The following C19orf85 variants were observed in gnomAD, a reference collection of about 807,000 sequenced individuals.
C19orf85 encodes the protein uncharacterized protein C19orf85.
At chr19:55,464,005 C>T (rs1986314498) in intron 1 of C19orf85, 38 bp from the exon 2 acceptor site, 1 of 398,622 alleles carries the variant, frequency 2.5e-6, no homozygotes, top group Non-Finnish European at 4.4e-6. Flanking sequence ...TCTCTAACGC[C>T]TGAACTCAAG....
chr19:55,463,294 C>G lies in C19orf85; in HGVS notation c.*178G>C, dbSNP rs1986297678. On this transcript the variant is annotated 3_prime_UTR_variant, in exon 2 of 2. Coordinates refer to ENST00000635964, the MANE Select transcript of C19orf85 (RefSeq NM_001386794.1). The surrounding 1 kb of genome is among the most constrained non-coding windows in gnomAD (Gnocchi z 4.9). ...GCAAGAAGAGGTGGAGGTGGGGCCC[C>G]TGGGCCCAGGAGGAGACCCCTGAGG... 3 of 397,720 alleles carry G rather than the reference C, an allele frequency of 7.5e-6. No homozygotes were observed. The highest frequency in any genetic ancestry group is 1.3e-5 in the Non-Finnish European group (3 of 226,202). The allele number at this position is 397,720 out of a possible 1,614,324, so 24.6% of individuals were successfully genotyped here.
intron 1 of C19orf85, 147 bp downstream of exon 1, chr19:55,464,235 C>T (rs1019196802): frequency 1.3e-5 from 5 of 397,720 alleles, no homozygotes; most frequent in Non-Finnish European, 2.2e-5. Flanking sequence ...ACAGTAGGCA[C>T]TCAATAAATG....
At position 55,464,526 on chromosome 19, in the gene C19orf85, C is replaced by T. The variant is rs184007838; in HGVS notation, c.29G>A (p.Gly10Glu). Reference protein sequence around the residue: MHPGVPEGPGVSEPGPRELC... With the variant: MHPGVPEGPEVSEPGPRELC... Reference sequence around the variant, plus strand: ...CTCCCGGGGGCCGGGCTCGGAGACCCCAGGGCCTTCGGGGACCCCGGGGTG... The same window carrying T: ...CTCCCGGGGGCCGGGCTCGGAGACCTCAGGGCCTTCGGGGACCCCGGGGTG... The change falls in exon 1 of 2, where the codon GGG becomes GAG. Residue 10 changes from glycine (G) to glutamate (E), a missense_variant. By Grantham distance (98) the Gly-to-Glu change is moderately conservative. Coordinates refer to ENST00000635964, the MANE Select transcript of C19orf85 (RefSeq NM_001386794.1). 1.2e-3 allele frequency: 491 copies of T among 398,410 alleles called. No individual in the cohort carries two copies. Among genetic ancestry groups the T allele is most frequent in the African/African-American group, 8.6e-3 (421 of 48,734 alleles). 24.7% of individuals were successfully genotyped at this position (398,410 alleles called of 1,614,324 possible). A position where few individuals can be genotyped will look rare whatever the true frequency, so the allele number is the denominator to read the frequency against.
Position 55,463,892 on chromosome 19 carries a change from T to C in C19orf85, c.249A>G (p.Arg83=). Residue 83 remains arginine (R), a synonymous_variant, in exon 2 of 2, where the codon AGA becomes AGG. Transcript: ENST00000635964. This position sits in a 1 kb window ranked among gnomAD's most constrained non-coding sequence, Gnocchi z 4.9. ...SILSQEAPPQ[R]PSLQKPPPPP... is the part of the protein sequence containing the mutation. ...GTGGGGGTGGCTTTTGGAGCGAGGG[T>C]CTCTGGGGAGGTGCCTCCTGGGACA... 1 of 398,762 alleles carries C rather than the reference T, an allele frequency of 2.5e-6. No individual in the cohort carries two copies. Among genetic ancestry groups the C allele is most frequent in the Non-Finnish European group, 4.4e-6 (1 of 226,344 alleles). The allele number at this position is 398,762 out of a possible 1,614,324, so 24.7% of individuals were successfully genotyped here.
Position 55,464,597 on chromosome 19 carries a change from A to G in C19orf85, c.-43T>C. ...GTAACTCCCCACAATATTGCTGACC[A>G]AAGCACCCCCCAAATCTGTGAGCAG... On this transcript the variant is annotated 5_prime_UTR_variant, in exon 1 of 2. Coordinates refer to ENST00000635964, the MANE Select transcript of C19orf85 (RefSeq NM_001386794.1). The G allele has an allele frequency of 2.5e-6, 1 of 398,298 alleles. No homozygotes were observed. The highest frequency in any genetic ancestry group is 4.4e-6 in the Non-Finnish European group (1 of 225,870). 24.7% of individuals were successfully genotyped at this position (398,298 alleles called of 1,614,324 possible).
At position 55,464,591 on chromosome 19, in the gene C19orf85, C is replaced by T; in HGVS notation, c.-37G>A. 2.5e-6 allele frequency: 1 copy of T among 398,356 alleles called. No individual in the cohort carries two copies. Among genetic ancestry groups the T allele is most frequent in the Non-Finnish European group, 4.4e-6 (1 of 225,878 alleles). 24.7% of individuals were successfully genotyped at this position (398,356 alleles called of 1,614,324 possible). A position where few individuals can be genotyped will look rare whatever the true frequency, so the allele number is the denominator to read the frequency against. ...TCTGGAGTAACTCCCCACAATATTG[C>T]TGACCAAAGCACCCCCCAAATCTGT... On this transcript the variant is annotated 5_prime_UTR_variant, in exon 1 of 2. Transcript: ENST00000635964.
rs1358537578 is a variant in C19orf85 at position 55,464,485 on chromosome 19, T to A, written c.70A>T (p.Ser24Cys). Residue 24 changes from serine (S) to cysteine (C), a missense_variant, in exon 1 of 2, where the codon AGC (serine) becomes TGC (cysteine). By Grantham distance (112) the Ser-to-Cys change is moderately radical. Transcript: ENST00000635964. Reference sequence around the variant, plus strand: ...CGCAGCATGTGGGCGGCCGCCCCGCTCACAAAGGCACACAGCTCCCGGGGG... The same window carrying A: ...CGCAGCATGTGGGCGGCCGCCCCGCACACAAAGGCACACAGCTCCCGGGGG... Reference protein sequence around the residue: ...PGPRELCAFVSGAAAHMLRAL... With the variant: ...PGPRELCAFVCGAAAHMLRAL... 2.5e-6 allele frequency: 1 copy of A among 398,228 alleles called. No homozygotes were observed. 24.7% of individuals were successfully genotyped at this position (398,228 alleles called of 1,614,324 possible). A position where few individuals can be genotyped will look rare whatever the true frequency, so the allele number is the denominator to read the frequency against.
Position 55,463,554 on chromosome 19 carries a change from C to A in C19orf85, c.587G>T (p.Trp196Leu). The A allele has an allele frequency of 2.5e-6, 1 of 398,636 alleles. No homozygotes were observed. The highest frequency in any genetic ancestry group is 4.4e-6 in the Non-Finnish European group (1 of 226,098). The allele number at this position is 398,636 out of a possible 1,614,324, so 24.7% of individuals were successfully genotyped here. A position where few individuals can be genotyped will look rare whatever the true frequency, so the allele number is the denominator to read the frequency against. ...CACCTCCCAGCAGTCCACCCAACCC[C>A]AGTCGGGAGCCACGAGATCAGCCTC... ...GEEADLVAPDWGWVDCWEVPR... is the reference protein window; with the variant it reads ...GEEADLVAPDLGWVDCWEVPR... The change falls in exon 2 of 2, where the codon TGG becomes TTG. Residue 196 changes from tryptophan (W) to leucine (L), a missense_variant. Transcript: ENST00000635964. This position sits in a 1 kb window ranked among gnomAD's most constrained non-coding sequence, Gnocchi z 4.9.
rs1225167012 is a variant in C19orf85, at chr19:55,463,742, C to T, written c.399G>A (p.Ala133=). Residue 133 remains alanine, a synonymous_variant, in exon 2 of 2, where the codon GCG becomes GCA. Transcript: ENST00000635964. The surrounding 1 kb of genome is among the most constrained non-coding windows in gnomAD (Gnocchi z 4.9). ...TSTLDLFDNI[A]LTPECASMPW... ...GCATTGAGGCACACTCTGGGGTGAG[C>T]GCAATGTTGTCAAAGAGGTCGAGGG... 2 of 398,764 alleles carry T rather than the reference C, an allele frequency of 5.0e-6. No homozygotes were observed. The highest frequency in any genetic ancestry group is 8.8e-6 in the Non-Finnish European group (2 of 226,240). The allele number at this position is 398,764 out of a possible 1,614,324, so 24.7% of individuals were successfully genotyped here. A position where few individuals can be genotyped will look rare whatever the true frequency, so the allele number is the denominator to read the frequency against.
chr19:55,464,050 A>T (rs1599888804), intron 1 of C19orf85, 83 bp from the exon 2 acceptor site: 1 of 398,578 alleles, frequency 2.5e-6, no homozygotes, highest in Non-Finnish European at 4.4e-6. Flanking sequence ...AGGTGCTGGG[A>T]TTGCAGGCTT....
In C19orf85 at chr19:55,463,715, T is replaced by C; in HGVS notation, c.426A>G (p.Pro142=). ...CATCAGAACCAGAGGAGGGGTCCCA[T>C]GGCATTGAGGCACACTCTGGGGTGA... The part of the protein sequence containing the change: ...IALTPECASM[P]WDPSSGSDAP... The change falls in exon 2 of 2, where the codon CCA becomes CCG. Residue 142 remains proline (P), a synonymous_variant. Transcript: ENST00000635964. This position sits in a 1 kb window ranked among gnomAD's most constrained non-coding sequence, Gnocchi z 4.9. The C allele has an allele frequency of 7.5e-6, 3 of 398,176 alleles. No individual in the cohort carries two copies. Among genetic ancestry groups the C allele is most frequent in the Non-Finnish European group, 8.8e-6 (2 of 226,148 alleles). The allele number at this position is 398,176 out of a possible 1,614,324, so 24.7% of individuals were successfully genotyped here.
chr19:55,463,383 ACAGGTTGGGGG>A lies in C19orf85; in HGVS notation c.*78_*88del, dbSNP rs1986299461. 1 of 398,848 alleles carries A rather than the reference ACAGGTTGGGGG, an allele frequency of 2.5e-6. No homozygotes were observed. Among genetic ancestry groups the A allele is most frequent in the African/African-American group, 2.1e-5 (1 of 48,628 alleles). 24.7% of individuals were successfully genotyped at this position (398,848 alleles called of 1,614,324 possible). On this transcript the variant is annotated 3_prime_UTR_variant, in exon 2 of 2. Transcript: ENST00000635964. This position sits in a 1 kb window ranked among gnomAD's most constrained non-coding sequence, Gnocchi z 4.9. ...CCAGGGGCTGCCAGGAAGGGAGTGG[ACAGGTTGGGGG>A]CTCCTGGAGAGGGCTGTAGAGCCGT...
At position 55,463,662 on chromosome 19, in the gene C19orf85, T is replaced by TG. The variant is rs1432807889; in HGVS notation, c.478dup (p.His160ProfsTer31). ...CAGGTCCAGCTGGCCCAGGTCGCGATGGGACAGACCCGGCGCTGGCAGGGG... is the reference window on the plus strand; with the variant it reads ...CAGGTCCAGCTGGCCCAGGTCGCGATGGGGACAGACCCGGCGCTGGCAGGGG... On this transcript the variant is annotated frameshift_variant, in exon 2 of 2. Transcript: ENST00000635964. LOFTEE classifies it low-confidence loss of function (END_TRUNC). The surrounding 1 kb of genome is among the most constrained non-coding windows in gnomAD (Gnocchi z 4.9). 1 of 398,578 alleles carries TG rather than the reference T, an allele frequency of 2.5e-6. No individual in the cohort carries two copies. The highest frequency in any genetic ancestry group is 3.6e-5 in the East Asian group (1 of 28,074). The allele number at this position is 398,578 out of a possible 1,614,324, so 24.7% of individuals were successfully genotyped here.
intron 1 of C19orf85, among the ~76,000 whole-genome samples, 191 bp from the exon 2 acceptor site, chr19:55,464,158 AC>A (rs1331723215): frequency 1.3e-5 from 2 of 151,992 alleles, no homozygotes; most frequent in Non-Finnish European, 2.9e-5. Flanking sequence ...ACCGTCCGCC[AC>A]CCCCATGAAA....
chr19:55,464,489 A>G lies in C19orf85; in HGVS notation c.66T>C (p.Phe22=), dbSNP rs2123395784. ...GCATGTGGGCGGCCGCCCCGCTCAC[A>G]AAGGCACACAGCTCCCGGGGGCCGG... is the stretch of plus-strand genomic sequence containing the variant. ...SEPGPRELCA[F]VSGAAAHMLR... Residue 22 remains phenylalanine, a synonymous_variant, in exon 1 of 2, where the codon TTT becomes TTC. Coordinates refer to ENST00000635964, the MANE Select transcript of C19orf85 (RefSeq NM_001386794.1). 1 of 398,326 alleles carries G rather than the reference A, an allele frequency of 2.5e-6. No individual in the cohort carries two copies. Among genetic ancestry groups the G allele is most frequent in the Non-Finnish European group, 4.4e-6 (1 of 225,856 alleles). 24.7% of individuals were successfully genotyped at this position (398,326 alleles called of 1,614,324 possible).
rs983240615 is a variant in C19orf85, at chr19:55,463,812, G to T, written c.329C>A (p.Pro110His). Reference sequence around the variant, plus strand: ...GAGACTCAGGCTGGCGCTGGCATGGGGAGCCTCAGTGGGGGCCACAGCACA... The same window carrying T: ...GAGACTCAGGCTGGCGCTGGCATGGTGAGCCTCAGTGGGGGCCACAGCACA... ...VACAVAPTEA[P>H]HASASLSLAA... Residue 110 changes from proline (P) to histidine (H), a missense_variant, in exon 2 of 2, where the codon CCC becomes CAC. Pro to His is a moderately conservative substitution (Grantham distance 77). Coordinates refer to ENST00000635964, the MANE Select transcript of C19orf85 (RefSeq NM_001386794.1). The surrounding 1 kb of genome is among the most constrained non-coding windows in gnomAD (Gnocchi z 4.9). The T allele has an allele frequency of 2.8e-5, 11 of 399,020 alleles. No homozygotes were observed. Among genetic ancestry groups the T allele is most frequent in the African/African-American group, 2.1e-4 (10 of 48,762 alleles). 24.7% of individuals were successfully genotyped at this position (399,020 alleles called of 1,614,324 possible).
rs1165410900 is a variant in C19orf85 at position 55,463,030 on chromosome 19, C to T, written c.*442G>A. ...TGGATATACTCTTTTATTGTCTGTT[C>T]CCCGCCAAAACACACACATGCACAC... is the stretch of plus-strand genomic sequence containing the variant. On this transcript the variant is annotated 3_prime_UTR_variant, in exon 2 of 2. Coordinates refer to ENST00000635964, the MANE Select transcript of C19orf85 (RefSeq NM_001386794.1). This position sits in a 1 kb window ranked among gnomAD's most constrained non-coding sequence, Gnocchi z 4.9. 1 of 170,100 alleles carries T rather than the reference C, an allele frequency of 5.9e-6. No individual in the cohort carries two copies. The highest frequency in any genetic ancestry group is 2.4e-5 in the African/African-American group (1 of 42,240). The allele number at this position is 170,100 out of a possible 1,614,324, so 10.5% of individuals were successfully genotyped here.
At position 55,464,607 on chromosome 19, in the gene C19orf85, C is replaced by A; in HGVS notation, c.-53G>T. 2.5e-6 allele frequency: 1 copy of A among 398,342 alleles called. No individual in the cohort carries two copies. The highest frequency in any genetic ancestry group is 4.4e-5 in the Admixed American group (1 of 22,718). The allele number at this position is 398,342 out of a possible 1,614,324, so 24.7% of individuals were successfully genotyped here. On this transcript the variant is annotated 5_prime_UTR_variant, in exon 1 of 2. Transcript: ENST00000635964. Reference sequence around the variant, plus strand: ...ACAATATTGCTGACCAAAGCACCCCCCAAATCTGTGAGCAGGGAGGGGCAG... The same window carrying A: ...ACAATATTGCTGACCAAAGCACCCCACAAATCTGTGAGCAGGGAGGGGCAG...
In C19orf85 at chr19:55,463,872, G is replaced by A. The variant is rs1986312114; in HGVS notation, c.269C>T (p.Pro90Leu). The A allele has an allele frequency of 2.5e-6, 1 of 399,014 alleles. No individual in the cohort carries two copies. Among genetic ancestry groups the A allele is most frequent in the Non-Finnish European group, 4.4e-6 (1 of 226,350 alleles). 24.7% of individuals were successfully genotyped at this position (399,014 alleles called of 1,614,324 possible). A position where few individuals can be genotyped will look rare whatever the true frequency, so the allele number is the denominator to read the frequency against. The stretch of plus-strand genomic sequence containing the variant: ...CAGGAAGGGGGATGGAGGCGGTGGG[G>A]GTGGCTTTTGGAGCGAGGGTCTCTG... ...PPQRPSLQKP[P>L]PPPPSPFLGV... Residue 90 changes from proline (P) to leucine (L), a missense_variant, in exon 2 of 2, where the codon CCC (proline) becomes CTC (leucine). Physicochemically the swap from Pro to Leu is moderately conservative, Grantham distance 98 (BLOSUM62 -3). Transcript: ENST00000635964. The surrounding 1 kb of genome is among the most constrained non-coding windows in gnomAD (Gnocchi z 4.9).
Sources: allele counts gnomAD v4.1 joint callset (sites outside exome capture counted in the v4.1 genomes callset), GRCh38; gene constraint gnomAD v4.1.1; non-coding constraint Gnocchi (gnomAD v3.1); transcripts MANE v1.5; gene names NCBI Gene and HGNC (gene_info 2026-07-23, HGNC 2026-07-21).